Variants in GLB1 observed in about 807,000 individuals in gnomAD.
The protein encoded by GLB1 is beta-galactosidase.
A neutral mutation model predicts 74.0 loss-of-function variants in GLB1; 56 were observed. That is an observed-to-expected ratio of 0.76 (90% confidence interval 0.61 to 0.94). The LOEUF (loss-of-function observed/expected upper bound fraction) is 0.94. Among genes scored for constraint, GLB1 ranks in the 40% least tolerant of loss-of-function variants. The pLI, the probability that GLB1 is intolerant of heterozygous loss-of-function variation, is 0.00. For synonymous variants in GLB1, 323 were observed against 323.6 expected, an observed-to-expected ratio of 1.00 and a Z score of 0.02; for missense variants, 787 against 845.5, an observed-to-expected ratio of 0.93 and a Z score of 0.86.
At chr3:32,994,524 G>A (rs2125441249), downstream of GLB1, among the ~76,000 whole-genome samples, 1 of 152,286 alleles carries the variant, frequency 6.6e-6, no homozygotes, top group Middle Eastern at 3.4e-3. Flanking sequence ...CTTATTTTAG[G>A]AAGAACATTG....
At chr3:33,062,643 G>A (rs1270009267) in intron 5 of GLB1, among the ~76,000 whole-genome samples, 1 of 152,074 alleles carries the variant, frequency 6.6e-6, no homozygotes, top group Non-Finnish European at 1.5e-5. Flanking sequence ...CACAAAATTA[G>A]CTGGCGTGGT....
intron 12 of GLB1, among the ~76,000 whole-genome samples, chr3:33,018,867 T>A (rs186808538): frequency 1.7e-3 from 260 of 152,240 alleles, no homozygotes; most frequent in Non-Finnish European, 2.3e-3. Context: ...GGGGATTATA[T>A]CATACATAGC....
chr3:33,020,159 C>T (rs1426929566), intron 12 of GLB1, among the ~76,000 whole-genome samples: 1 of 152,182 alleles, frequency 6.6e-6, no homozygotes, highest in Non-Finnish European at 1.5e-5. Context: ...GTACCCTATA[C>T]AACGTTCATG....
At chr3:33,011,992 A>G (rs62252530) in intron 15 of GLB1, among the ~76,000 whole-genome samples, 31,032 of 151,806 alleles carry the variant, frequency 0.2, 3,583 homozygotes, top group Admixed American at 0.29. Context: ...TCTTTATCTT[A>G]TTTGTCCTCT....
intron 10 of GLB1, among the ~76,000 whole-genome samples, chr3:33,035,431 C>CA (rs373440841): frequency 0.03 from 4,303 of 145,418 alleles, 135 homozygotes; most frequent in African/African-American, 0.079. Flanking sequence ...GACACTGTCT[C>CA]AAAAAAAAAA....
intron 10 of GLB1, chr3:33,034,846 G>A: frequency 1.8e-6 from 1 of 552,090 alleles, no homozygotes; most frequent in Non-Finnish European, 3.6e-6. Context: ...CCAGCTCCAG[G>A]ACTGACTGAT....
intron 1 of GLB1, chr3:33,096,766 A>C: frequency 2.3e-6 from 3 of 1,318,110 alleles, no homozygotes; most frequent in Non-Finnish European, 2.9e-6. Flanking sequence ...CCAAGCGCAA[A>C]GGGCGGCCGG....
At chr3:32,969,829 G>A in the GLB1 span, among the ~76,000 whole-genome samples, 2 of 152,146 alleles carry the variant, frequency 1.3e-5, no homozygotes, top group African/African-American at 2.4e-5. Flanking sequence ...GCTATTACTC[G>A]AGCCGTTTGT....
At chr3:32,984,771 G>A in the GLB1 span, among the ~76,000 whole-genome samples, 5,487 of 151,776 alleles carry the variant, frequency 0.036, 178 homozygotes, top group East Asian at 0.12. Flanking sequence ...GTGAAACCCC[G>A]TCTCTACTAA....
At chr3:33,083,397 C>CAAAA (rs60737086) in intron 1 of GLB1, among the ~76,000 whole-genome samples, 36 of 103,870 alleles carry the variant, frequency 3.5e-4, no homozygotes, top group South Asian at 6.5e-4. Context: ...AACTCTGTCT[C>CAAAA]AAAAAAAAAA....
Position 33,051,904 on chromosome 3 carries a change from G to GC in GLB1, c.892dup (p.Ala298GlyfsTer37), listed in dbSNP as rs1559401254. 1 of 1,614,214 alleles carries GC rather than the reference G, an allele frequency of 6.2e-7. No individual in the cohort carries two copies. Among genetic ancestry groups the GC allele is most frequent in the Admixed American group, 1.7e-5 (1 of 60,020 alleles). On this transcript the variant is annotated frameshift_variant, in exon 8 of 16. Transcript: ENST00000307363. LOFTEE classifies it high-confidence loss of function. ...TCACAAGTTCACACTCGCCCCACGG[G>GC]CAAGTATATCATAGAGGGAGGAAGC... is the stretch of plus-strand genomic sequence containing the variant.
At chr3:32,961,346 AG>A in the GLB1 span, among the ~76,000 whole-genome samples, 1 of 152,236 alleles carries the variant, frequency 6.6e-6, no homozygotes, top group Non-Finnish European at 1.5e-5. Flanking sequence ...GGTGAAGTGC[AG>A]GGTGGTAAGA....
chr3:32,993,756 G>C (rs1044203477), downstream of GLB1, among the ~76,000 whole-genome samples: 1 of 151,732 alleles, frequency 6.6e-6, no homozygotes, highest in African/African-American at 2.4e-5. Flanking sequence ...GGCTGGTCTC[G>C]AACTCCTGAC....
At chr3:32,982,818 G>A in the GLB1 span, among the ~76,000 whole-genome samples, 1 of 152,054 alleles carries the variant, frequency 6.6e-6, no homozygotes. Flanking sequence ...CTCTGTTTAT[G>A]TTTATCATAA....
chr3:33,067,971 C>T (rs575373684), intron 4 of GLB1, among the ~76,000 whole-genome samples: 5 of 152,246 alleles, frequency 3.3e-5, no homozygotes, highest in Middle Eastern at 3.4e-3. Context: ...CTGCAACTTC[C>T]GCCTCCAGGG....
chr3:33,057,522 A>G (rs1320452685), intron 6 of GLB1, among the ~76,000 whole-genome samples: 1 of 152,212 alleles, frequency 6.6e-6, no homozygotes, highest in Non-Finnish European at 1.5e-5. Flanking sequence ...CAGTTTACAC[A>G]GCACTGTGTA....
In GLB1 at chr3:33,031,650, T is replaced by A. The variant is rs1397969732; in HGVS notation, c.1069-7325A>T. ...AAAAAAAAAAAAAAAAATATATATA[T>A]ATATATATATATATATATATATATA... On this transcript the variant is annotated intron_variant, in intron 10 of 15. Coordinates refer to ENST00000307363, the MANE Select transcript of GLB1 (RefSeq NM_000404.4). Among the ~76,000 whole-genome samples, 523 of 92,508 alleles carry A rather than the reference T, an allele frequency of 5.7e-3. 3 individuals are homozygous for A. The highest frequency in any genetic ancestry group is 0.014 in the African/African-American group (285 of 20,212). 60.7% of individuals were successfully genotyped at this position (92,508 alleles called of 152,430 possible). A position where few individuals can be genotyped will look rare whatever the true frequency, so the allele number is the denominator to read the frequency against.
the GLB1 span, among the ~76,000 whole-genome samples, chr3:32,989,536 T>TCC: frequency 6.6e-6 from 1 of 152,234 alleles, no homozygotes; most frequent in South Asian, 2.1e-4. Context: ...CTGACCTGTA[T>TCC]CCACTGGGGA....
intron 1 of GLB1, among the ~76,000 whole-genome samples, chr3:33,076,080 CCAGA>C (rs1700092487): frequency 6.6e-6 from 1 of 152,020 alleles, no homozygotes; most frequent in African/African-American, 2.4e-5. Context: ...GACCTCACCC[CCAGA>C]CATTCATGTT....
Sources: gnomAD v4.1 joint callset for allele counts (sites outside exome capture counted in the v4.1 genomes callset) on GRCh38, gnomAD v4.1.1 for gene constraint, MANE v1.5 for transcripts, NCBI Gene and HGNC (gene_info 2026-07-23, HGNC 2026-07-21) for gene names.